Variants in KSR2 observed in about 807,000 individuals in gnomAD.
The protein encoded by KSR2 is kinase suppressor of ras 2.
Under a neutral mutation model 107.8 loss-of-function variants are expected in KSR2, and 25 were observed. That is an observed-to-expected ratio of 0.23 (90% CI 0.17 to 0.32). KSR2 has a LOEUF of 0.32. KSR2 is among the 10% of genes least tolerant of loss of function. The pLI is 1.00. For missense variants in KSR2, 887 were observed against 1,268.9 expected, an observed-to-expected ratio of 0.70 and a Z score of 4.57; for synonymous variants, 480 against 507.0, an observed-to-expected ratio of 0.95 and a Z score of 0.71.
At chr12:117,831,038 T>TC (rs1476132343) in intron 3 of KSR2, among the ~76,000 whole-genome samples, 11 of 152,226 alleles carry the variant, frequency 7.2e-5, no homozygotes, top group Admixed American at 2.6e-4. Context: ...TGTTCCTGTC[T>TC]CCTGGGGAAC....
chr12:117,685,580 C>T (rs149754686), intron 4 of KSR2, among the ~76,000 whole-genome samples: 15 of 152,352 alleles, frequency 9.8e-5, no homozygotes, highest in African/African-American at 3.4e-4. Context: ...AGCTTCTGCC[C>T]GCATCTCCTG....
Position 117,769,729 on chromosome 12 carries a change from T to C in KSR2, c.473-8205A>G, listed in dbSNP as rs116802567. ...AATAAATGCATACAGTGCTTTTCATTTTGAGCCTGACACAGAGCTCACACT... is the reference window on the plus strand; with the variant it reads ...AATAAATGCATACAGTGCTTTTCATCTTGAGCCTGACACAGAGCTCACACT... On this transcript the variant is annotated intron_variant, in intron 3 of 19. Transcript: ENST00000339824. 6.1e-3 allele frequency among the ~76,000 whole-genome samples: 928 copies of C among 152,336 alleles called. 21 individuals carry two copies. Among genetic ancestry groups the C allele is most frequent in the African/African-American group, 0.021 (874 of 41,572 alleles).
chr12:117,869,544 T>G (rs1893584682), intron 1 of KSR2, among the ~76,000 whole-genome samples: 2 of 152,186 alleles, frequency 1.3e-5, no homozygotes, highest in South Asian at 4.1e-4. Context: ...TACATACAGA[T>G]CTATTGAAAC....
At chr12:117,607,648 G>GAGGA (rs1565923705) in intron 5 of KSR2, among the ~76,000 whole-genome samples, 1 of 87,998 alleles carries the variant, frequency 1.1e-5, no homozygotes. Context: ...CCCGGAGAGG[G>GAGGA]GAGGAAAGGA....
rs545285275 is a variant in KSR2, at chr12:117,727,995, A to C, written c.986+33016T>G. On this transcript the variant is annotated intron_variant, in intron 4 of 19. Transcript: ENST00000339824. ...ACACTATATGATGGCATTTACGTGA[A>C]GTTCTGCAAGAGATCTAAGCTATGT... 1.6e-3 allele frequency among the ~76,000 whole-genome samples: 250 copies of C among 152,352 alleles called. 1 individual carries two copies. Among genetic ancestry groups the C allele is most frequent in the Middle Eastern group, 6.8e-3 (2 of 294 alleles).
At chr12:117,878,146 T>C (rs61939885) in intron 1 of KSR2, among the ~76,000 whole-genome samples, 146 of 94,372 alleles carry the variant, frequency 1.5e-3, no homozygotes, top group African/African-American at 0.011. Flanking sequence ...CAAACTTAAC[T>C]TGCACCACCG....
At chr12:117,886,354 G>A (rs1344600802) in intron 1 of KSR2, among the ~76,000 whole-genome samples, 1 of 151,674 alleles carries the variant, frequency 6.6e-6, no homozygotes, top group African/African-American at 2.4e-5. Context: ...ATACAGTCAT[G>A]CACCCCATAA....
intron 3 of KSR2, among the ~76,000 whole-genome samples, chr12:117,845,140 C>A (rs1892653285): frequency 6.6e-6 from 1 of 152,098 alleles, no homozygotes; most frequent in African/African-American, 2.4e-5. Context: ...AGCGAGACTC[C>A]AACTCAAAAA....
chr12:117,579,330 T>A (rs1285960939), intron 6 of KSR2, 128 bp from the exon 7 acceptor site: 2 of 716,084 alleles, frequency 2.8e-6, no homozygotes, highest in Non-Finnish European at 5.0e-6. Flanking sequence ...TCGAGCTGTG[T>A]GACTTAATCA....
intron 4 of KSR2, among the ~76,000 whole-genome samples, chr12:117,746,131 C>A (rs1888396479): frequency 6.6e-6 from 1 of 152,108 alleles, no homozygotes; most frequent in African/African-American, 2.4e-5. Flanking sequence ...CAAGACAATC[C>A]TAAGCAAAAA....
At chr12:117,768,520 T>C (rs1672143459) in intron 3 of KSR2, among the ~76,000 whole-genome samples, 1 of 152,172 alleles carries the variant, frequency 6.6e-6, no homozygotes, top group African/African-American at 2.4e-5. Flanking sequence ...TCCTTGCGGC[T>C]CAACAGGGCT....
chr12:117,552,661 C>G (rs1266527066), intron 9 of KSR2, among the ~76,000 whole-genome samples: 1 of 152,220 alleles, frequency 6.6e-6, no homozygotes, highest in Non-Finnish European at 1.5e-5. Context: ...GCCTCTAAAT[C>G]AGGGGTCAGA....
At chr12:117,471,154 C>T (rs900503815) in intron 18 of KSR2, 37 bp downstream of exon 18, 6 of 1,609,254 alleles carry the variant, frequency 3.7e-6, no homozygotes, top group Non-Finnish European at 4.2e-6. Flanking sequence ...CTGTGTCTCC[C>T]CTCATCCCCC....
intron 2 of KSR2, among the ~76,000 whole-genome samples, chr12:117,857,323 G>T (rs1893136673): frequency 6.6e-6 from 1 of 152,154 alleles, no homozygotes; most frequent in Non-Finnish European, 1.5e-5. Flanking sequence ...GTTTCCAAAA[G>T]TGCTGAGATT....
intron 5 of KSR2, among the ~76,000 whole-genome samples, chr12:117,621,726 A>C (rs1882208849): frequency 6.6e-6 from 1 of 152,202 alleles, no homozygotes; most frequent in Non-Finnish European, 1.5e-5. Context: ...ATTGGAAGAA[A>C]CTAAGTGAAG....
intron 3 of KSR2, among the ~76,000 whole-genome samples, chr12:117,795,681 T>C (rs1430800870): frequency 6.6e-6 from 1 of 152,204 alleles, no homozygotes; most frequent in Admixed American, 6.5e-5. Flanking sequence ...CAGGCTGGAA[T>C]GCAGTGGTAC....
At chr12:117,738,155 C>T (rs1308124167) in intron 4 of KSR2, among the ~76,000 whole-genome samples, 2 of 152,202 alleles carry the variant, frequency 1.3e-5, no homozygotes, top group African/African-American at 2.4e-5. Context: ...CATTTAAACT[C>T]CGGCTCCCAC....
At chr12:117,583,691 C>T (rs1182012552) in intron 5 of KSR2, among the ~76,000 whole-genome samples, 1 of 152,170 alleles carries the variant, frequency 6.6e-6, no homozygotes, top group African/African-American at 2.4e-5. Context: ...CACCTCCGCC[C>T]TACTGCCCAT....
chr12:117,878,368 G>A (rs1434176812), intron 1 of KSR2, among the ~76,000 whole-genome samples: 6 of 152,046 alleles, frequency 3.9e-5, no homozygotes, highest in African/African-American at 9.7e-5. Flanking sequence ...ATTCACCGGG[G>A]GCCAAGCTGG....
Sources: allele counts gnomAD v4.1 joint callset (sites outside exome capture counted in the v4.1 genomes callset), GRCh38; gene constraint gnomAD v4.1.1; transcripts MANE v1.5; gene names NCBI Gene and HGNC (gene_info 2026-07-23, HGNC 2026-07-21).